CWC27: variants seen among roughly 807,000 people sequenced by gnomAD.
CWC27 encodes CWC27 spliceosome associated cyclophilin.
A neutral mutation model predicts 63.6 loss-of-function variants in CWC27; 47 were observed. That is an observed-to-expected ratio of 0.74 (90% CI 0.58 to 0.94). The LOEUF is 0.94. Among genes scored for constraint, CWC27 ranks in the 40% least tolerant of loss-of-function variants. CWC27 has a pLI of 0.00. For synonymous variants in CWC27, 175 were observed against 179.8 expected (o/e 0.97, Z 0.22); for missense variants, 495 against 554.3 (o/e 0.89, Z 1.07).
intron 13 of CWC27, among the ~76,000 whole-genome samples, chr5:64,983,436 A>G (rs1008799654): frequency 2.6e-5 from 4 of 152,262 alleles, no homozygotes; most frequent in African/African-American, 9.6e-5. Context: ...TATTCATACA[A>G]AAAGAAATTT....
intron 7 of CWC27, among the ~76,000 whole-genome samples, chr5:64,793,967 G>A (rs959977222): frequency 6.6e-6 from 1 of 152,102 alleles, no homozygotes; most frequent in Non-Finnish European, 1.5e-5. Flanking sequence ...ATGACAAGGT[G>A]CCTCTCCCAC....
At chr5:64,988,758 C>T (rs1749483135) in intron 13 of CWC27, among the ~76,000 whole-genome samples, 1 of 152,022 alleles carries the variant, frequency 6.6e-6, no homozygotes, top group African/African-American at 2.4e-5. Context: ...CATGCGCCAC[C>T]GCATGTGGCT....
intron 13 of CWC27, among the ~76,000 whole-genome samples, chr5:65,017,527 T>G (rs1750070427): frequency 6.6e-6 from 1 of 152,160 alleles, no homozygotes; most frequent in Admixed American, 6.5e-5. Flanking sequence ...TTTGATGAAG[T>G]AAGAAAGCAG....
intron 11 of CWC27, among the ~76,000 whole-genome samples, chr5:64,916,888 G>C (rs1747898507): frequency 1.2e-5 from 1 of 86,244 alleles, no homozygotes; most frequent in Non-Finnish European, 2.6e-5. Context: ...AGTAGTATTA[G>C]TAGTAGTAGT....
rs10055003 is a variant in CWC27 at position 64,800,242 on chromosome 5, T to C, written c.670-6T>C. ...CCCTCATGATTATATTGTACATTCT[T>C]TGCAGAGCATGAAGGGCAAAAGCAA... On this transcript the variant is annotated splice_region_variant and splice_polypyrimidine_tract_variant and intron_variant, in intron 7 of 13. Transcript: ENST00000381070. 1.6e-3 allele frequency: 2,612 copies of C among 1,598,144 alleles called. 42 individuals are homozygous for C. The African/African-American group carries it at 0.03, about 19-fold the overall frequency.
chr5:64,885,368 C>T lies in CWC27; in HGVS notation c.939-75C>T, dbSNP rs947121031. The T allele has an allele frequency of 7.3e-6, 7 of 955,394 alleles. No homozygotes were observed. The East Asian group carries it at 1.1e-4, about 15-fold the overall frequency. The allele number at this position is 955,394 out of a possible 1,614,324, so 59.2% of individuals were successfully genotyped here. A position where few individuals can be genotyped will look rare whatever the true frequency, so the allele number is the denominator to read the frequency against. On this transcript the variant is annotated intron_variant, in intron 10 of 13. Coordinates refer to ENST00000381070, the MANE Select transcript of CWC27 (RefSeq NM_005869.4). ...TTTATTTTTCTTAGATGTAGTATAC[C>T]AATGATTCTGTTTTTGCTAAACAAC...
At chr5:64,991,852 G>A (rs953522357) in intron 13 of CWC27, among the ~76,000 whole-genome samples, 7 of 152,096 alleles carry the variant, frequency 4.6e-5, no homozygotes, top group South Asian at 2.1e-4. Flanking sequence ...TGGCATTTCC[G>A]AAGAATTACC....
Position 64,858,463 on chromosome 5 carries a change from AAATAATAATAAT to A in CWC27, c.939-26957_939-26946del, listed in dbSNP as rs199882585. ...GGTGACAGAGTGAGACTCCATCTCAAAATAATAATAATAATAATAATAATAATAATAATAGGA... is the reference window on the plus strand; with the variant it reads ...GGTGACAGAGTGAGACTCCATCTCAAAATAATAATAATAATAATAATAGGA... On this transcript the variant is annotated intron_variant, in intron 10 of 13. Transcript: ENST00000381070. 2.5e-4 allele frequency among the ~76,000 whole-genome samples: 36 copies of A among 146,572 alleles called. No individual in the cohort carries two copies. In the South Asian group the frequency reaches 6.2e-3, roughly 25 times the overall value.
chr5:64,910,712 C>T (rs866760937), intron 11 of CWC27, among the ~76,000 whole-genome samples: 4 of 152,278 alleles, frequency 2.6e-5, no homozygotes, highest in South Asian at 2.1e-4. Context: ...CTCAGACTGC[C>T]GCACTAGCAG....
chr5:64,883,054 A>G (rs1746984058), intron 10 of CWC27, among the ~76,000 whole-genome samples: 1 of 152,224 alleles, frequency 6.6e-6, no homozygotes, highest in Non-Finnish European at 1.5e-5. Flanking sequence ...AGGCCTCAGG[A>G]AACTTACAAT....
chr5:64,874,352 G>T (rs1446607862), intron 10 of CWC27, among the ~76,000 whole-genome samples: 1 of 151,296 alleles, frequency 6.6e-6, no homozygotes, highest in Non-Finnish European at 1.5e-5. Context: ...AGTAGAGATG[G>T]GGCTTCACCA....
At chr5:64,886,412 A>C (rs1747073166) in intron 11 of CWC27, among the ~76,000 whole-genome samples, 1 of 152,142 alleles carries the variant, frequency 6.6e-6, no homozygotes, top group African/African-American at 2.4e-5. Flanking sequence ...TTTGATACTA[A>C]GTACATACAT....
chr5:64,888,825 G>A (rs992109162), intron 11 of CWC27, among the ~76,000 whole-genome samples: 1 of 151,996 alleles, frequency 6.6e-6, no homozygotes, highest in Non-Finnish European at 1.5e-5. Flanking sequence ...TATTTGTATA[G>A]TGTCAAAGTA....
At chr5:64,811,611 A>ACTTTATCAGCCATGTTCTAC (rs541087660) in intron 10 of CWC27, among the ~76,000 whole-genome samples, 14 of 152,094 alleles carry the variant, frequency 9.2e-5, no homozygotes, top group Non-Finnish European at 1.3e-4. Context: ...ACAGGTTCTA[A>ACTTTATCAGCCATGTTCTAC]CTTTATCAGC....
intron 11 of CWC27, among the ~76,000 whole-genome samples, chr5:64,948,971 A>G (rs1347837384): frequency 6.6e-6 from 1 of 152,032 alleles, no homozygotes; most frequent in East Asian, 1.9e-4. Flanking sequence ...TTTTGATGAA[A>G]TAGGATCAGA....
At chr5:64,872,351 TCTGTAC>T (rs2112326501) in intron 10 of CWC27, among the ~76,000 whole-genome samples, 1 of 152,298 alleles carries the variant, frequency 6.6e-6, no homozygotes, top group East Asian at 1.9e-4. Context: ...CACTTCAATG[TCTGTAC>T]CTGCACTGTA....
rs777253798 is a variant in CWC27, at chr5:64,916,885, T to TTAGTATTAGTAG, written c.1042+31344_1042+31345insTTAGTAGTAGTA. Among the ~76,000 whole-genome samples, 347 of 144,062 alleles carry TTAGTATTAGTAG rather than the reference T, an allele frequency of 2.4e-3. 1 individual carries two copies. Among genetic ancestry groups the TTAGTATTAGTAG allele is most frequent in the African/African-American group, 8.7e-3 (332 of 38,036 alleles). 94.5% of individuals were successfully genotyped at this position (144,062 alleles called of 152,430 possible). On this transcript the variant is annotated intron_variant, in intron 11 of 13. Coordinates refer to ENST00000381070, the MANE Select transcript of CWC27 (RefSeq NM_005869.4). ...GTAACTTTTGGTGGCAGTAGTAGTATTAGTAGTAGTAGTAGTAGTAGTAGT... is the reference window on the plus strand; with the variant it reads ...GTAACTTTTGGTGGCAGTAGTAGTATTAGTATTAGTAGTAGTAGTAGTAGTAGTAGTAGTAGT...
Position 64,992,285 on chromosome 5 carries a change from T to C in CWC27, c.1256+15047T>C, listed in dbSNP as rs142588057. 1.6e-3 allele frequency among the ~76,000 whole-genome samples: 246 copies of C among 152,274 alleles called. 1 individual carries two copies. The highest frequency in any genetic ancestry group is 5.8e-3 in the African/African-American group (242 of 41,560). The stretch of plus-strand genomic sequence containing the variant: ...GAGGAACTCTGTAGTTCAAAAAAAT[T>C]AGGTTATCTGCCCAAGATCCTATGG... On this transcript the variant is annotated intron_variant, in intron 13 of 13. Transcript: ENST00000381070.
chr5:64,804,421 T>G (rs1744592312), intron 10 of CWC27, 35 bp downstream of exon 10: 1 of 1,530,344 alleles, frequency 6.5e-7, no homozygotes, highest in African/African-American at 1.4e-5. Context: ...TCAGAGTTTT[T>G]GTCTTTTTAT....
Sources: allele counts gnomAD v4.1 joint callset (sites outside exome capture counted in the v4.1 genomes callset), GRCh38; gene constraint gnomAD v4.1.1; transcripts MANE v1.5; gene names NCBI Gene and HGNC (gene_info 2026-07-23, HGNC 2026-07-21).